The following POTEB2 variants were observed in gnomAD, a reference collection of about 807,000 sequenced individuals.
POTEB2 encodes the protein POTE ankyrin domain family, member B2.
In POTEB2, 1 loss-of-function variant was observed where a neutral mutation model predicts 1.8. The observed-to-expected ratio is 0.55, with a 90% CI of 0.20 to 2.62. The LOEUF (loss-of-function observed/expected upper bound fraction) is 2.62. Among genes scored for constraint, POTEB2 ranks in the 30% most tolerant of loss-of-function variants. The probability of loss-of-function intolerance (pLI) is 0.24; values close to 1 mark genes in which losing one functional copy is unlikely to be tolerated.
At chr15:20,836,411 A>ACACG (rs1322593722) in intron 10 of POTEB2, among the ~76,000 whole-genome samples, 1 of 84,576 alleles carries the variant, frequency 1.2e-5, no homozygotes, top group East Asian at 5.2e-4. Context: ...ACACACACAC[A>ACACG]CACACATATA....
rs1338027860 is a variant in POTEB2 at position 20,860,827 on chromosome 15, C to A, written c.699+215G>T. On this transcript the variant is annotated intron_variant, in intron 3 of 10. Coordinates refer to ENST00000454856, the MANE Select transcript of POTEB2 (RefSeq NM_001277303.1). Reference sequence around the variant, plus strand: ...TTCAGTGTTTTTTTTTTTTAAAAAGCATTAACCACAAGTGCACTGAAAAAA... The same window carrying A: ...TTCAGTGTTTTTTTTTTTTAAAAAGAATTAACCACAAGTGCACTGAAAAAA... 6.4e-5 allele frequency among the ~76,000 whole-genome samples: 2 copies of A among 31,442 alleles called. 1 individual carries two copies. The highest frequency in any genetic ancestry group is 9.5e-5 in the Non-Finnish European group (2 of 21,026). 20.6% of individuals were successfully genotyped at this position (31,442 alleles called of 152,430 possible).
chr15:20,838,043 AC>A (rs1363841735), intron 9 of POTEB2, among the ~76,000 whole-genome samples: 4 of 60,676 alleles, frequency 6.6e-5, no homozygotes, highest in African/African-American at 2.3e-4. Context: ...GTTAACTCAA[AC>A]TTTTTATGTT....
intron 9 of POTEB2, among the ~76,000 whole-genome samples, chr15:20,839,879 TA>T (rs1889423946): frequency 1.5e-3 from 1 of 672 alleles, no homozygotes; most frequent in Non-Finnish European, 2.2e-3. Context: ...TATATATATA[TA>T]TATATATATA....
intron 9 of POTEB2, among the ~76,000 whole-genome samples, chr15:20,839,362 C>T (rs1889412255): frequency 2.0e-5 from 1 of 48,816 alleles, no homozygotes; most frequent in Non-Finnish European, 3.3e-5. Context: ...GATTAATGTC[C>T]ATAACCTACC....
chr15:20,860,468 A>T, intron 3 of POTEB2, among the ~76,000 whole-genome samples: 1 of 39,230 alleles, frequency 2.5e-5, no homozygotes, highest in African/African-American at 1.4e-4. Flanking sequence ...AACAAAAAAA[A>T]ACCTCTTCAT....
chr15:20,860,623 GT>G lies in POTEB2; in HGVS notation c.699+418del, dbSNP rs1226088237. ...GATACATCACCTCATATCTATTAGT[GT>G]TTTTTTAGGAATTTGCCAAAGTAGC... On this transcript the variant is annotated intron_variant, in intron 3 of 10. Coordinates refer to ENST00000454856, the MANE Select transcript of POTEB2 (RefSeq NM_001277303.1). Among the ~76,000 whole-genome samples, 2 of 12,880 alleles carry G rather than the reference GT, an allele frequency of 1.6e-4. 1 individual carries two copies. Among genetic ancestry groups the G allele is most frequent in the Non-Finnish European group, 2.3e-4 (2 of 8,638 alleles). The allele number at this position is 12,880 out of a possible 152,430, so 8.4% of individuals were successfully genotyped here.
Position 20,866,145 on chromosome 15 carries a change from G to A in POTEB2, c.137C>T (p.Ser46Phe). The A allele has an allele frequency of 2.3e-6, 1 of 431,896 alleles. No homozygotes were observed. Among genetic ancestry groups the A allele is most frequent in the Non-Finnish European group, 3.9e-6 (1 of 259,392 alleles). The allele number at this position is 431,896 out of a possible 1,614,324, so 26.8% of individuals were successfully genotyped here. Residue 46 changes from serine to phenylalanine, a missense_variant, in exon 1 of 11, where the codon TCT becomes TTT. Coordinates refer to ENST00000454856, the MANE Select transcript of POTEB2 (RefSeq NM_001277303.1). ...CATAAAGGAGTCGTCATGGTCTCCAGAAGTGCCCACATTGCTCGTGCCGCT... is the reference window on the plus strand; with the variant it reads ...CATAAAGGAGTCGTCATGGTCTCCAAAAGTGCCCACATTGCTCGTGCCGCT... ...RGSGTSNVGT[S>F]GDHDDSFMKT...
At position 20,846,138 on chromosome 15, in the gene POTEB2, TACAG is replaced by T. The variant is rs1186138329; in HGVS notation, c.1132-143_1132-140del. The T allele has an allele frequency of 6.1e-4, 72 of 118,760 alleles. 16 individuals are homozygous for T. Among genetic ancestry groups the T allele is most frequent in the Non-Finnish European group, 8.9e-4 (65 of 73,008 alleles). The allele number at this position is 118,760 out of a possible 1,614,324, so 7.4% of individuals were successfully genotyped here. ...TTTCACACTTAAATTTGATCATATA[TACAG>T]AACTATAACTGTATAATTTTAAGAT... On this transcript the variant is annotated intron_variant, in intron 8 of 10. Transcript: ENST00000454856.
rs1396871487 is a variant in POTEB2, at chr15:20,860,456, A to G, written c.699+586T>C. Among the ~76,000 whole-genome samples the G allele has an allele frequency of 7.0e-5, 3 of 42,822 alleles. 1 individual carries two copies. In the East Asian group the frequency reaches 3.0e-3, roughly 42 times the overall value. The allele number at this position is 42,822 out of a possible 152,430, so 28.1% of individuals were successfully genotyped here. On this transcript the variant is annotated intron_variant, in intron 3 of 10. Transcript: ENST00000454856. ...ACACACACAAACAAAAACAAAAACAAAAACAAAAAAAAACCTCTTCATGGT... is the reference window on the plus strand; with the variant it reads ...ACACACACAAACAAAAACAAAAACAGAAACAAAAAAAAACCTCTTCATGGT...
Position 20,860,859 on chromosome 15 carries a change from C to T in POTEB2, c.699+183G>A, listed in dbSNP as rs1255786808. Among the ~76,000 whole-genome samples the T allele has an allele frequency of 3.4e-4, 9 of 26,606 alleles. 3 individuals carry two copies. The highest frequency in any genetic ancestry group is 7.2e-4 in the African/African-American group (2 of 2,766). The allele number at this position is 26,606 out of a possible 152,430, so 17.5% of individuals were successfully genotyped here. ...CACAAGTGCACTGAAAAAAACTGTACCCTCTAATGCTTCTTTAAAAGTAAC... is the reference window on the plus strand; with the variant it reads ...CACAAGTGCACTGAAAAAAACTGTATCCTCTAATGCTTCTTTAAAAGTAAC... On this transcript the variant is annotated intron_variant, in intron 3 of 10. Coordinates refer to ENST00000454856, the MANE Select transcript of POTEB2 (RefSeq NM_001277303.1).
At chr15:20,836,420 T>A (rs1193554542) in intron 10 of POTEB2, among the ~76,000 whole-genome samples, 1 of 83,228 alleles carries the variant, frequency 1.2e-5, no homozygotes, top group African/African-American at 4.3e-5. Flanking sequence ...CACACACATA[T>A]ATATATGCAA....
At chr15:20,843,564 GAA>G (rs369447399) in intron 9 of POTEB2, among the ~76,000 whole-genome samples, 8 of 60,838 alleles carry the variant, frequency 1.3e-4, no homozygotes, top group African/African-American at 4.8e-4. Flanking sequence ...ATTTATTACA[GAA>G]AAAAAAATAG....
rs1889514971 is a variant in POTEB2 at position 20,846,576 on chromosome 15, A to G, written c.1131+469T>C. The stretch of plus-strand genomic sequence containing the variant: ...ACATGATGGTGCTCACTGAAACATG[A>G]AAACCAAAGTTTGCCACAACACAAG... On this transcript the variant is annotated intron_variant, in intron 8 of 10. Transcript: ENST00000454856. Among the ~76,000 whole-genome samples, 2 of 42,060 alleles carry G rather than the reference A, an allele frequency of 4.8e-5. 1 individual carries two copies. The highest frequency in any genetic ancestry group is 2.3e-3 in the South Asian group (2 of 884). The allele number at this position is 42,060 out of a possible 152,430, so 27.6% of individuals were successfully genotyped here.
In POTEB2 at chr15:20,836,382, A is replaced by T. The variant is rs1566887201; in HGVS notation, c.1423-779T>A. Among the ~76,000 whole-genome samples, 3 of 52,454 alleles carry T rather than the reference A, an allele frequency of 5.7e-5. 1 individual carries two copies. The highest frequency in any genetic ancestry group is 1.8e-4 in the African/African-American group (3 of 17,070). The allele number at this position is 52,454 out of a possible 152,430, so 34.4% of individuals were successfully genotyped here. A position where few individuals can be genotyped will look rare whatever the true frequency, so the allele number is the denominator to read the frequency against. ...GGTGACAGTGCAAGACTCCATCTAG[A>T]ATACACACACACACACACACACACA... On this transcript the variant is annotated intron_variant, in intron 10 of 10. Coordinates refer to ENST00000454856, the MANE Select transcript of POTEB2 (RefSeq NM_001277303.1).
At chr15:20,839,868 TTATATATATATATA>T (rs749566271) in intron 9 of POTEB2, among the ~76,000 whole-genome samples, 1 of 10,970 alleles carries the variant, frequency 9.1e-5, no homozygotes, top group Non-Finnish European at 1.4e-4. Context: ...ATAAAGAAAA[TTATATATATATATA>T]TATATATATA....
In POTEB2 at chr15:20,837,980, T is replaced by TA. The variant is rs1889388295; in HGVS notation, c.1299-614dup. Among the ~76,000 whole-genome samples, 3 of 55,686 alleles carry TA rather than the reference T, an allele frequency of 5.4e-5. No individual in the cohort carries two copies. The South Asian group carries it at 3.1e-3, about 58-fold the overall frequency. 36.5% of individuals were successfully genotyped at this position (55,686 alleles called of 152,430 possible). On this transcript the variant is annotated intron_variant, in intron 9 of 10. Coordinates refer to ENST00000454856, the MANE Select transcript of POTEB2 (RefSeq NM_001277303.1). ...ACTTCTTGCTGTGTGGCCCAGGTCCTAACAGGCCAGGGACTGGTACTGGTC... is the reference window on the plus strand; with the variant it reads ...ACTTCTTGCTGTGTGGCCCAGGTCCTAAACAGGCCAGGGACTGGTACTGGTC...
At chr15:20,860,997 C>T (rs1157698442) in intron 3 of POTEB2, 45 bp downstream of exon 3, 2 of 2,478 alleles carry the variant, frequency 8.1e-4, no homozygotes, top group Non-Finnish European at 1.1e-3. Flanking sequence ...AATGTTAACA[C>T]GAATGCATTT....
rs1279027118 is a variant in POTEB2, at chr15:20,839,330, G to A, written c.1299-1963C>T. ...CACTTATACAATGGGGAAAATATGG[G>A]CAAATTATGAATCTAACAAAGGATT... On this transcript the variant is annotated intron_variant, in intron 9 of 10. Transcript: ENST00000454856. 6.1e-4 allele frequency among the ~76,000 whole-genome samples: 48 copies of A among 79,126 alleles called. No individual in the cohort carries two copies. In the South Asian group the frequency reaches 0.013, roughly 21 times the overall value. The allele number at this position is 79,126 out of a possible 152,430, so 51.9% of individuals were successfully genotyped here.
rs1889515930 is a variant in POTEB2, at chr15:20,846,682, A to G, written c.1131+363T>C. Among the ~76,000 whole-genome samples, 2 of 38,624 alleles carry G rather than the reference A, an allele frequency of 5.2e-5. 1 individual carries two copies. The highest frequency in any genetic ancestry group is 8.0e-5 in the Non-Finnish European group (2 of 24,894). The allele number at this position is 38,624 out of a possible 152,430, so 25.3% of individuals were successfully genotyped here. A position where few individuals can be genotyped will look rare whatever the true frequency, so the allele number is the denominator to read the frequency against. Reference sequence around the variant, plus strand: ...CCCAAATTTCACATTCAATAGCTATACAATTTTCCAGCTGGAAATTACAAA... The same window carrying G: ...CCCAAATTTCACATTCAATAGCTATGCAATTTTCCAGCTGGAAATTACAAA... On this transcript the variant is annotated intron_variant, in intron 8 of 10. Transcript: ENST00000454856.
Sources: allele counts gnomAD v4.1 joint callset (sites outside exome capture counted in the v4.1 genomes callset), GRCh38; gene constraint gnomAD v4.1.1; transcripts MANE v1.5; gene names NCBI Gene and HGNC (gene_info 2026-07-23, HGNC 2026-07-21).